The following DLGAP1 variants were observed in gnomAD, a reference collection of about 807,000 sequenced individuals.
DLGAP1 encodes the protein DLG associated protein 1, also known as disks large-associated protein 1.
A neutral mutation model predicts 90.8 loss-of-function variants in DLGAP1; 11 were observed. The observed-to-expected ratio is 0.12, with a 90% CI of 0.08 to 0.20. The LOEUF (loss-of-function observed/expected upper bound fraction) is 0.20. Ranked by LOEUF, DLGAP1 falls within the 10% of genes least tolerant of loss-of-function variation. The pLI is 1.00. For synonymous variants in DLGAP1, 558 were observed against 540.7 expected, an observed-to-expected ratio of 1.03 and a Z score of -0.44; for missense variants, 1,050 against 1,333.8, an observed-to-expected ratio of 0.79 and a Z score of 3.31.
At chr18:3,639,785 T>C (rs551243766) in intron 7 of DLGAP1, among the ~76,000 whole-genome samples, 51 of 122,264 alleles carry the variant, frequency 4.2e-4, no homozygotes, top group Middle Eastern at 8.7e-3. Context: ...GACAGAGTCT[T>C]GCTCTGTCGC....
At chr18:3,568,345 A>C (rs751807379) in intron 8 of DLGAP1, among the ~76,000 whole-genome samples, 6 of 152,178 alleles carry the variant, frequency 3.9e-5, no homozygotes, top group Non-Finnish European at 5.9e-5. Context: ...CCCTTAAATA[A>C]AGAATTGACT....
intron 3 of DLGAP1, among the ~76,000 whole-genome samples, chr18:3,906,682 GGTTGCT>G (rs2071914774): frequency 6.6e-6 from 1 of 152,204 alleles, no homozygotes; most frequent in Non-Finnish European, 1.5e-5. Flanking sequence ...GAGCTGTTAA[GGTTGCT>G]GCCAAAGTAG....
At chr18:3,650,568 G>A (rs953915377) in intron 7 of DLGAP1, among the ~76,000 whole-genome samples, 3 of 152,178 alleles carry the variant, frequency 2.0e-5, no homozygotes, top group African/African-American at 4.8e-5. Flanking sequence ...CAGCCTCCAC[G>A]TCATTTTTAT....
chr18:3,513,052 C>G (rs1001340812), intron 10 of DLGAP1, among the ~76,000 whole-genome samples: 7 of 152,114 alleles, frequency 4.6e-5, no homozygotes, highest in Non-Finnish European at 8.8e-5. Flanking sequence ...CATCATGGCA[C>G]CCACCGTTCC....
chr18:4,453,936 T>G (rs2033212752), intron 1 of DLGAP1, among the ~76,000 whole-genome samples: 1 of 152,090 alleles, frequency 6.6e-6, no homozygotes, highest in Admixed American at 6.5e-5. Flanking sequence ...CCCCTTGCCC[T>G]CCGCACATCC....
In DLGAP1 at chr18:4,216,155, G is replaced by T. The variant is rs377680270; in HGVS notation, c.-266-64868C>A. ...TCATGGCACAAGGGGAAGCAAACACGTCCTTCTCATGGCAGCAACAAGGAG... is the reference window on the plus strand; with the variant it reads ...TCATGGCACAAGGGGAAGCAAACACTTCCTTCTCATGGCAGCAACAAGGAG... On this transcript the variant is annotated intron_variant, in intron 1 of 12. Transcript: ENST00000315677. 6.6e-5 allele frequency among the ~76,000 whole-genome samples: 10 copies of T among 152,022 alleles called. 1 individual carries two copies. Among genetic ancestry groups the T allele is most frequent in the East Asian group, 3.9e-4 (2 of 5,160 alleles).
Position 3,836,347 on chromosome 18 carries a change from C to T in DLGAP1, c.958-22074G>A, listed in dbSNP as rs77010399. 8.8e-3 allele frequency among the ~76,000 whole-genome samples: 1,340 copies of T among 152,126 alleles called. 14 individuals carry two copies. The highest frequency in any genetic ancestry group is 0.028 in the African/African-American group (1,143 of 41,488). ...CACTTTAGGAGAAAAGTGCATTTAT[C>T]GGGTAATATGAAAGAGGAAATGAGG... On this transcript the variant is annotated intron_variant, in intron 4 of 12. Transcript: ENST00000315677.
At chr18:3,937,358 G>A (rs75182916) in intron 3 of DLGAP1, among the ~76,000 whole-genome samples, 1,941 of 152,218 alleles carry the variant, frequency 0.013, 17 homozygotes, top group Non-Finnish European at 0.018. Context: ...GCAAAGTTAC[G>A]TCTTACAAGG....
Position 3,880,046 on chromosome 18 carries a change from CG to C in DLGAP1, c.22del (p.Arg8AlafsTer27). 6.2e-7 allele frequency: 1 copy of C among 1,603,418 alleles called. No individual in the cohort carries two copies. Among genetic ancestry groups the C allele is most frequent in the South Asian group, 1.1e-5 (1 of 90,988 alleles). On this transcript the variant is annotated frameshift_variant, in exon 4 of 13. Coordinates refer to ENST00000315677, the MANE Select transcript of DLGAP1 (RefSeq NM_004746.4). LOFTEE classifies it high-confidence loss of function. MKGLSGS[R>X]SHHHGVTCDS... is the part of the protein sequence containing the mutation. The stretch of plus-strand genomic sequence containing the variant: ...GCAGGTGACCCCGTGGTGATGGCTG[CG>C]GCTGCCTGATAGCCCTTTCATGGCG...
intron 3 of DLGAP1, among the ~76,000 whole-genome samples, chr18:3,897,859 A>G (rs1172279546): frequency 2.8e-5 from 4 of 142,448 alleles, no homozygotes; most frequent in Non-Finnish European, 4.5e-5. Context: ...CAGTGGCGCA[A>G]TCTCGGCTCA....
rs115869257 is a variant in DLGAP1, at chr18:3,836,668, C to A, written c.958-22395G>T. Among the ~76,000 whole-genome samples the A allele has an allele frequency of 9.4e-3, 1,433 of 152,270 alleles. 18 individuals are homozygous for A. Among genetic ancestry groups the A allele is most frequent in the African/African-American group, 0.033 (1,384 of 41,544 alleles). On this transcript the variant is annotated intron_variant, in intron 4 of 12. Coordinates refer to ENST00000315677, the MANE Select transcript of DLGAP1 (RefSeq NM_004746.4). ...GAGGTAGCCGCTGACCTAAAGGCATCGCAAGGGTGGTGAGGTGAAGAGGGA... is the reference window on the plus strand; with the variant it reads ...GAGGTAGCCGCTGACCTAAAGGCATAGCAAGGGTGGTGAGGTGAAGAGGGA...
At chr18:4,406,183 G>A (rs990055910) in intron 1 of DLGAP1, among the ~76,000 whole-genome samples, 1 of 152,204 alleles carries the variant, frequency 6.6e-6, no homozygotes, top group African/African-American at 2.4e-5. Context: ...ATTGCCCTAT[G>A]CAGATGAAAA....
intron 5 of DLGAP1, among the ~76,000 whole-genome samples, chr18:3,746,412 T>C (rs948824086): frequency 5.3e-5 from 8 of 152,174 alleles, no homozygotes; most frequent in African/African-American, 1.9e-4. Context: ...AGAGAAAGAC[T>C]TTAGAAGCAT....
chr18:4,324,144 T>C (rs550594671), intron 1 of DLGAP1, among the ~76,000 whole-genome samples: 1 of 151,638 alleles, frequency 6.6e-6, no homozygotes, highest in East Asian at 1.9e-4. Context: ...AAAAAAAAGA[T>C]AAGATCCAAG....
At chr18:3,951,883 T>C (rs916816779) in intron 3 of DLGAP1, among the ~76,000 whole-genome samples, 2 of 152,218 alleles carry the variant, frequency 1.3e-5, no homozygotes, top group African/African-American at 2.4e-5. Context: ...CATGCAGAAC[T>C]GTGAGTCGAT....
At chr18:4,000,422 T>C (rs1037849591) in intron 3 of DLGAP1, among the ~76,000 whole-genome samples, 2 of 152,192 alleles carry the variant, frequency 1.3e-5, no homozygotes, top group Non-Finnish European at 2.9e-5. Flanking sequence ...TTTTTGACAG[T>C]TAATTGTATA....
intron 4 of DLGAP1, among the ~76,000 whole-genome samples, chr18:3,833,202 C>A (rs1568210734): frequency 1.2e-3 from 14 of 11,380 alleles, no homozygotes; most frequent in Admixed American, 4.0e-3. Flanking sequence ...TCCTTCCTTC[C>A]TTCCTTCCTT....
chr18:4,361,189 CAT>C (rs935997123), intron 1 of DLGAP1, among the ~76,000 whole-genome samples: 2 of 151,968 alleles, frequency 1.3e-5, no homozygotes, highest in Non-Finnish European at 2.9e-5. Context: ...TATGAAATAA[CAT>C]AATATATTTT....
chr18:3,671,362 A>G (rs1418008964), intron 7 of DLGAP1, among the ~76,000 whole-genome samples: 1 of 152,166 alleles, frequency 6.6e-6, no homozygotes, highest in Non-Finnish European at 1.5e-5. Context: ...CAAGAAAAAA[A>G]GCTCTCAGAT....
Sources: allele counts gnomAD v4.1 joint callset (sites outside exome capture counted in the v4.1 genomes callset), GRCh38; gene constraint gnomAD v4.1.1; transcripts MANE v1.5; gene names NCBI Gene and HGNC (gene_info 2026-07-23, HGNC 2026-07-21).